Variants in CCL14 observed in about 807,000 individuals in gnomAD.
CCL14 encodes C-C motif chemokine ligand 14, also known as C-C motif chemokine 14.
A neutral mutation model predicts 8.2 loss-of-function variants in CCL14; 8 were observed. The observed-to-expected ratio is 0.98, with a 90% CI of 0.57 to 1.76. The LOEUF is 1.76. Among genes scored for constraint, CCL14 ranks in the 40% most tolerant of loss-of-function variants. The pLI is 0.00. For synonymous variants in CCL14, 50 were observed against 43.2 expected (o/e 1.16, Z -0.62); for missense variants, 127 against 118.3 (o/e 1.07, Z -0.34).
At position 35,984,346 on chromosome 17, in the gene CCL14, G is replaced by T; in HGVS notation, c.186C>A (p.Pro62=). The T allele has an allele frequency of 6.2e-7, 1 of 1,611,190 alleles. No individual in the cohort carries two copies. The highest frequency in any genetic ancestry group is 8.5e-7 in the Non-Finnish European group (1 of 1,177,540). ...YYETNSQCSK[P]GIVFITKRGH... is the part of the protein sequence containing the mutation. ...GTGTGTGTACCACCTACACAATTCC[G>T]GGCTTGGAGCACTGGCTGTTGGTCT... Residue 62 remains proline (P), a synonymous_variant, in exon 2 of 3, where the codon CCC becomes CCA. Transcript: ENST00000618404.
In CCL14 at chr17:35,983,667, G is replaced by A; in HGVS notation, c.*134C>T. 1 of 690,638 alleles carries A rather than the reference G, an allele frequency of 1.4e-6. No individual in the cohort carries two copies. The highest frequency in any genetic ancestry group is 2.6e-6 in the Non-Finnish European group (1 of 377,916). 42.8% of individuals were successfully genotyped at this position (690,638 alleles called of 1,614,324 possible). On this transcript the variant is annotated 3_prime_UTR_variant, in exon 3 of 3. Coordinates refer to ENST00000618404, the MANE Select transcript of CCL14 (RefSeq NM_032963.4). ...GGAATGAGGCCAGGGAAGAGCATGA[G>A]TGGTCTTTAATTCAAAGCAGGGAAG...
intron 1 of CCL14, chr17:35,985,841 G>C: frequency 6.8e-7 from 1 of 1,466,344 alleles, no homozygotes; most frequent in Non-Finnish European, 9.3e-7. Context: ...AATAGTTTTG[G>C]TTATCTCTAA....
intron 2 of CCL14, 153 bp downstream of exon 2, chr17:35,984,185 A>C (rs1490341884): frequency 3.1e-6 from 2 of 645,974 alleles, no homozygotes; most frequent in Middle Eastern, 4.1e-4. Context: ...CTCCAGCCAG[A>C]AAGCGCTCAG....
intron 1 of CCL14, chr17:35,984,729 A>G (rs2089734977): frequency 1.8e-6 from 1 of 551,696 alleles, no homozygotes. Context: ...AGGATTGAAG[A>G]GCAGCACACT....
rs1353754493 is a variant in CCL14 at position 35,983,543 on chromosome 17, A to G, written c.*258T>C. ...ATTGCAGGCCTGACCTATTTTTTGT[A>G]CCAGGCTCCAGCAAAACTTCTGCAG... On this transcript the variant is annotated 3_prime_UTR_variant, in exon 3 of 3. Coordinates refer to ENST00000618404, the MANE Select transcript of CCL14 (RefSeq NM_032963.4). 2.2e-6 allele frequency: 1 copy of G among 453,300 alleles called. No homozygotes were observed. Among genetic ancestry groups the G allele is most frequent in the Admixed American group, 3.6e-5 (1 of 28,154 alleles). 28.1% of individuals were successfully genotyped at this position (453,300 alleles called of 1,614,324 possible). A position where few individuals can be genotyped will look rare whatever the true frequency, so the allele number is the denominator to read the frequency against.
At chr17:35,984,512 T>C (rs2089729525) in intron 1 of CCL14, 60 bp from the exon 2 acceptor site, 3 of 1,075,546 alleles carry the variant, frequency 2.8e-6, no homozygotes, top group South Asian at 1.3e-5. Flanking sequence ...TACCATTGGC[T>C]GCTCCTGCAA....
In CCL14 at chr17:35,983,340, T is replaced by C. The variant is rs2089704040; in HGVS notation, c.*461A>G. On this transcript the variant is annotated 3_prime_UTR_variant, in exon 3 of 3. Coordinates refer to ENST00000618404, the MANE Select transcript of CCL14 (RefSeq NM_032963.4). Reference sequence around the variant, plus strand: ...AAGTGTTACCTAAAAAATCAAATGATGATTTGTAGCTTTTACACTTGTCAT... The same window carrying C: ...AAGTGTTACCTAAAAAATCAAATGACGATTTGTAGCTTTTACACTTGTCAT... 1 of 157,102 alleles carries C rather than the reference T, an allele frequency of 6.4e-6. No homozygotes were observed. Among genetic ancestry groups the C allele is most frequent in the African/African-American group, 2.4e-5 (1 of 41,576 alleles). 9.7% of individuals were successfully genotyped at this position (157,102 alleles called of 1,614,324 possible).
Position 35,984,468 on chromosome 17 carries a change from C to A in CCL14, c.80-16G>T. On this transcript the variant is annotated splice_polypyrimidine_tract_variant and intron_variant, in intron 1 of 2. Coordinates refer to ENST00000618404, the MANE Select transcript of CCL14 (RefSeq NM_032963.4). ...TAAGGTCCCCCTGAGGAGAGAGCAT[C>A]AGATGCTGAGGAGGGGCCCCTTGTT... is the stretch of plus-strand genomic sequence containing the variant. 6.3e-7 allele frequency: 1 copy of A among 1,581,400 alleles called. No individual in the cohort carries two copies. The highest frequency in any genetic ancestry group is 1.1e-5 in the South Asian group (1 of 90,358).
chr17:35,986,667 T>A lies in CCL14; in HGVS notation c.-18A>T, dbSNP rs746117053. On this transcript the variant is annotated 5_prime_UTR_variant, in exon 1 of 3. Coordinates refer to ENST00000618404, the MANE Select transcript of CCL14 (RefSeq NM_032963.4). ...ATCTTCATGCTGTGGGAAGCTGTTG[T>A]GGGAGGAGAGCTGGCCTGGTGGGAG... The A allele has an allele frequency of 3.7e-6, 6 of 1,607,536 alleles. No individual in the cohort carries two copies. The highest frequency in any genetic ancestry group is 1.7e-4 in the Middle Eastern group (1 of 5,944).
At chr17:35,984,942 C>G (rs913939611) in intron 1 of CCL14, 2 of 200,274 alleles carry the variant, frequency 1.0e-5, no homozygotes, top group Non-Finnish European at 2.0e-5. Context: ...GCCCATGTCC[C>G]CATTGAACCG....
chr17:35,984,504 C>A (rs756962710), intron 1 of CCL14, 52 bp from the exon 2 acceptor site: 2 of 1,152,810 alleles, frequency 1.7e-6, no homozygotes, highest in Non-Finnish European at 2.6e-6. Flanking sequence ...AAAGGCCATA[C>A]CATTGGCTGC....
At chr17:35,984,249 G>A in intron 2 of CCL14, 89 bp downstream of exon 2, 2 of 964,078 alleles carry the variant, frequency 2.1e-6, no homozygotes, top group South Asian at 1.3e-5. Context: ...GTACGCTGGG[G>A]GTCCCCATTC....
Position 35,986,598 on chromosome 17 carries a change from G to A in CCL14, c.52C>T (p.Leu18=). ...GAGGAGGATTCAGTCTTGGTCCCTAGGGCGATGGTGATGAGGAGGAAGAAG... is the reference window on the plus strand; with the variant it reads ...GAGGAGGATTCAGTCTTGGTCCCTAAGGCGATGGTGATGAGGAGGAAGAAG... ...IPFFLLITIA[L]GTKTESSSRG... is the part of the protein sequence containing the mutation. Residue 18 remains leucine, a synonymous_variant, in exon 1 of 3, where the codon CTA becomes TTA. Coordinates refer to ENST00000618404, the MANE Select transcript of CCL14 (RefSeq NM_032963.4). 1 of 1,614,004 alleles carries A rather than the reference G, an allele frequency of 6.2e-7. No homozygotes were observed. The highest frequency in any genetic ancestry group is 8.5e-7 in the Non-Finnish European group (1 of 1,179,936).
chr17:35,985,450 C>A, intron 1 of CCL14: 1 of 407,528 alleles, frequency 2.5e-6, no homozygotes, highest in Non-Finnish European at 4.3e-6. Flanking sequence ...TACAAACAGG[C>A]ACATGTTGTG....
intron 1 of CCL14, chr17:35,985,648 C>G: frequency 9.7e-7 from 1 of 1,034,110 alleles, no homozygotes; most frequent in Non-Finnish European, 1.5e-6. Flanking sequence ...ATAAGGGGCC[C>G]CTGTTTCCTG....
chr17:35,985,675 C>T, intron 1 of CCL14: 1 of 1,335,134 alleles, frequency 7.5e-7, no homozygotes, highest in Non-Finnish European at 1.1e-6. Context: ...AGTCAGAGCT[C>T]CTATACTCTC....
At position 35,983,697 on chromosome 17, in the gene CCL14, A is replaced by C. The variant is rs1256279698; in HGVS notation, c.*104T>G. ...CTTTAATTCAAAGCAGGGAAGCTCC[A>C]AGAGGGTGACTGGGGCTGAGAGTTA... On this transcript the variant is annotated 3_prime_UTR_variant, in exon 3 of 3. Transcript: ENST00000618404. The C allele has an allele frequency of 2.5e-6, 2 of 810,050 alleles. No individual in the cohort carries two copies. Among genetic ancestry groups the C allele is most frequent in the Non-Finnish European group, 4.4e-6 (2 of 456,908 alleles). The allele number at this position is 810,050 out of a possible 1,614,324, so 50.2% of individuals were successfully genotyped here.
chr17:35,985,283 T>C (rs1235889770), intron 1 of CCL14: 1 of 162,896 alleles, frequency 6.1e-6, no homozygotes, highest in Non-Finnish European at 1.3e-5. Context: ...GGTTTTGTGG[T>C]CTAAAAAGTT....
intron 2 of CCL14, 99 bp from the exon 3 acceptor site, chr17:35,983,987 A>G: frequency 1.1e-6 from 1 of 883,788 alleles, no homozygotes; most frequent in South Asian, 1.3e-5. Context: ...CCTGACCTAT[A>G]CTGCTTTTCC....
Sources: allele counts gnomAD v4.1 joint callset, GRCh38; gene constraint gnomAD v4.1.1; transcripts MANE v1.5; gene names NCBI Gene and HGNC (gene_info 2026-07-23, HGNC 2026-07-21).